Variants in PPCDC observed in about 807,000 individuals in gnomAD.
PPCDC encodes phosphopantothenoylcysteine decarboxylase.
In PPCDC, 20 loss-of-function variants were observed where a neutral mutation model predicts 20.7. The observed-to-expected ratio is 0.97, with a 90% CI of 0.68 to 1.41. The LOEUF (loss-of-function observed/expected upper bound fraction) is 1.41. PPCDC is among the 40% of genes most tolerant of loss of function. PPCDC has a pLI of 0.00. For synonymous variants in PPCDC, 88 were observed against 100.3 expected (o/e 0.88, Z 0.73); for missense variants, 246 against 263.8 (o/e 0.93, Z 0.47).
rs1393892686 is a variant in PPCDC, at chr15:75,032,729, C to CG, written c.135+4276_135+4277insG. The stretch of plus-strand genomic sequence containing the variant: ...TGTAGGAGCTAGCAAACTGGACCCC[C>CG]CCCCCCAAGGCCAAATTCGGCTCTG... On this transcript the variant is annotated intron_variant, in intron 2 of 5. Coordinates refer to ENST00000342932, the MANE Select transcript of PPCDC (RefSeq NM_021823.5). Among the ~76,000 whole-genome samples the CG allele has an allele frequency of 2.1e-4, 27 of 126,948 alleles. 4 individuals carry two copies. Among genetic ancestry groups the CG allele is most frequent in the Admixed American group, 1.8e-3 (24 of 12,998 alleles). The allele number at this position is 126,948 out of a possible 152,430, so 83.3% of individuals were successfully genotyped here. A position where few individuals can be genotyped will look rare whatever the true frequency, so the allele number is the denominator to read the frequency against.
intron 2 of PPCDC, 117 bp from the exon 3 acceptor site, chr15:75,043,324 C>A (rs2141495401): frequency 1.2e-6 from 1 of 810,742 alleles, no homozygotes; most frequent in Non-Finnish European, 2.0e-6. Flanking sequence ...AGTCCTCTCT[C>A]AAGCCAGCCT....
chr15:75,031,794 C>G (rs890813865), intron 2 of PPCDC, among the ~76,000 whole-genome samples: 1 of 151,908 alleles, frequency 6.6e-6, no homozygotes. Context: ...TATGAGATTC[C>G]CAGAAGGGTG....
At chr15:75,027,621 AC>A (rs1278719311) in intron 1 of PPCDC, among the ~76,000 whole-genome samples, 1 of 151,876 alleles carries the variant, frequency 6.6e-6, no homozygotes, top group Non-Finnish European at 1.5e-5. Context: ...GCTTCCTTTC[AC>A]CAGTCAGCCC....
intron 2 of PPCDC, 68 bp from the exon 3 acceptor site, chr15:75,043,373 C>T: frequency 1.4e-6 from 2 of 1,405,026 alleles, no homozygotes; most frequent in East Asian, 2.4e-5. Context: ...CTCCTGTGGC[C>T]TCCAGGCCTG....
At chr15:75,029,421 A>G (rs2065994703) in intron 2 of PPCDC, among the ~76,000 whole-genome samples, 1 of 152,004 alleles carries the variant, frequency 6.6e-6, no homozygotes, top group Non-Finnish European at 1.5e-5. Context: ...TTATCAGCTG[A>G]GCACCCAAGG....
At chr15:75,031,283 A>C (rs1225636410) in intron 2 of PPCDC, among the ~76,000 whole-genome samples, 2 of 152,148 alleles carry the variant, frequency 1.3e-5, no homozygotes, top group Admixed American at 6.5e-5. Flanking sequence ...CGTAGTTGTC[A>C]TGTAATTGAG....
chr15:75,036,922 C>T (rs1233786765), intron 2 of PPCDC, among the ~76,000 whole-genome samples: 1 of 152,136 alleles, frequency 6.6e-6, no homozygotes, highest in Non-Finnish European at 1.5e-5. Flanking sequence ...CCGCCCGTCT[C>T]TGCCTCCCAA....
rs2304899 is a variant in PPCDC, at chr15:75,044,388, A to G, written c.234A>G (p.Ile78Met). The G allele has an allele frequency of 0.92, 1,491,589 of 1,613,604 alleles. 694,159 individuals carry two copies. The highest frequency in any genetic ancestry group is 0.95 in the Non-Finnish European group (1,121,660 of 1,179,906). The change falls in exon 4 of 6, where the codon ATA (isoleucine) becomes ATG (methionine). Residue 78 changes from isoleucine (I) to methionine (M), a missense_variant and splice_region_variant. Physicochemically the swap from Ile to Met is conservative, Grantham distance 10 (BLOSUM62 1). Coordinates refer to ENST00000342932, the MANE Select transcript of PPCDC (RefSeq NM_021823.5). The stretch of plus-strand genomic sequence containing the variant: ...CCCCTTTTTCTTCCCTCTGCCAGAT[A>G]TGGAAGAGCCGCTCTGACCCAGTTC... ...TLYSDADEWE[I>M]WKSRSDPVLH...
At chr15:75,037,961 A>T (rs1460746323) in intron 2 of PPCDC, among the ~76,000 whole-genome samples, 2 of 152,156 alleles carry the variant, frequency 1.3e-5, no homozygotes, top group East Asian at 3.8e-4. Context: ...GGAGATGGCT[A>T]GTATCCATTT....
chr15:75,048,494 C>A, intron 4 of PPCDC, 59 bp from the exon 5 acceptor site: 1 of 1,574,392 alleles, frequency 6.4e-7, no homozygotes, highest in South Asian at 1.2e-5. Flanking sequence ...GTCTGGAGGG[C>A]GGTGGGGAGG....
intron 4 of PPCDC, among the ~76,000 whole-genome samples, chr15:75,046,324 T>A (rs986341992): frequency 2.0e-5 from 3 of 152,260 alleles, no homozygotes; most frequent in Non-Finnish European, 4.4e-5. Flanking sequence ...GTCAGAGTTG[T>A]GTGTGGCCAG....
At chr15:75,026,288 A>C (rs1044690241) in intron 1 of PPCDC, among the ~76,000 whole-genome samples, 1 of 152,178 alleles carries the variant, frequency 6.6e-6, no homozygotes, top group African/African-American at 2.4e-5. Flanking sequence ...TGCCTCCATC[A>C]CCTACCAATG....
Position 75,050,060 on chromosome 15 carries a change from T to C in PPCDC, c.*825T>C. 6.6e-6 allele frequency: 1 copy of C among 152,358 alleles called. No homozygotes were observed. The highest frequency in any genetic ancestry group is 1.5e-5 in the Non-Finnish European group (1 of 68,038). The allele number at this position is 152,358 out of a possible 1,614,324, so 9.4% of individuals were successfully genotyped here. ...TTTGTGTGCAGAATACCCATGCCAC[T>C]GAGTGCCTGGAACGTAGTAAATGTC... On this transcript the variant is annotated 3_prime_UTR_variant, in exon 6 of 6. Coordinates refer to ENST00000342932, the MANE Select transcript of PPCDC (RefSeq NM_021823.5).
In PPCDC at chr15:75,028,471, A is replaced by G; in HGVS notation, c.135+18A>G. 1.2e-6 allele frequency: 2 copies of G among 1,614,090 alleles called. No individual in the cohort carries two copies. The highest frequency in any genetic ancestry group is 1.7e-6 in the Non-Finnish European group (2 of 1,180,006). On this transcript the variant is annotated intron_variant, in intron 2 of 5. Transcript: ENST00000342932. ...TTCCTGGGGTGAGTATCCTCACCAG[A>G]TAAGCATGGCAGCCTCCGGCATGGG...
At chr15:75,044,203 C>G (rs576926880) in intron 3 of PPCDC, among the ~76,000 whole-genome samples, 183 bp from the exon 4 acceptor site, 55 of 152,274 alleles carry the variant, frequency 3.6e-4, no homozygotes, top group African/African-American at 1.3e-3. Context: ...TTCCTCAGGC[C>G]TGGTTCTCTC....
At chr15:75,028,189 C>T (rs1487800873) in intron 1 of PPCDC, 58 bp from the exon 2 acceptor site, 1 of 1,262,804 alleles carries the variant, frequency 7.9e-7, no homozygotes, top group Non-Finnish European at 1.1e-6. Flanking sequence ...ATACGTGGTG[C>T]TCCATACATT....
intron 2 of PPCDC, among the ~76,000 whole-genome samples, chr15:75,037,845 C>CT (rs1244407919): frequency 2.0e-5 from 3 of 152,056 alleles, no homozygotes; most frequent in African/African-American, 7.2e-5. Context: ...TGAACCGAGG[C>CT]TGGGTGATTC....
chr15:75,042,899 C>T (rs980017995), intron 2 of PPCDC, among the ~76,000 whole-genome samples: 3 of 152,152 alleles, frequency 2.0e-5, no homozygotes, highest in South Asian at 4.1e-4. Context: ...CCTGTGCCCA[C>T]GAGGACTTGT....
At chr15:75,041,623 C>A (rs935990397) in intron 2 of PPCDC, among the ~76,000 whole-genome samples, 1 of 151,942 alleles carries the variant, frequency 6.6e-6, no homozygotes, top group African/African-American at 2.4e-5. Context: ...TGGAGTAAGA[C>A]TCTGTAAATA....
Sources: allele counts gnomAD v4.1 joint callset (sites outside exome capture counted in the v4.1 genomes callset), GRCh38; gene constraint gnomAD v4.1.1; transcripts MANE v1.5; gene names NCBI Gene and HGNC (gene_info 2026-07-23, HGNC 2026-07-21).